Variants in NAV2 observed in about 807,000 individuals in gnomAD.
The protein encoded by NAV2 is neuron navigator 2, also known as helicase, APC down-regulated 1.
Under a neutral mutation model 223.2 loss-of-function variants are expected in NAV2, and 54 were observed. The ratio of observed to expected loss-of-function variants is 0.24; its 90% confidence interval spans 0.19 to 0.30. The LOEUF is 0.30. NAV2 is among the 10% of genes least tolerant of loss of function. The probability of loss-of-function intolerance (pLI) is 1.00; values close to 1 mark genes in which losing one functional copy is unlikely to be tolerated. For missense variants in NAV2, 2,806 were observed against 3,147.5 expected (o/e 0.89, Z 2.60); for synonymous variants, 1,279 against 1,239.3 (o/e 1.03, Z -0.67).
chr11:19,469,435 G>C (rs554696953), intron 1 of NAV2, among the ~76,000 whole-genome samples: 45 of 152,296 alleles, frequency 3.0e-4, no homozygotes, highest in Non-Finnish European at 5.9e-4. Flanking sequence ...TGCACAACTG[G>C]GTGGGAAAAT....
intron 1 of NAV2, among the ~76,000 whole-genome samples, chr11:19,751,393 A>T (rs1387535553): frequency 6.6e-6 from 1 of 152,150 alleles, no homozygotes; most frequent in Non-Finnish European, 1.5e-5. Flanking sequence ...GGTACATAGG[A>T]TGGTAGCAAG....
chr11:19,486,557 C>T (rs186292221), intron 1 of NAV2, among the ~76,000 whole-genome samples: 13 of 152,248 alleles, frequency 8.5e-5, no homozygotes, highest in African/African-American at 3.1e-4. Flanking sequence ...GGGCTTTTAT[C>T]CCTTTTGCTC....
At chr11:19,588,328 C>G (rs1362743715) in intron 1 of NAV2, among the ~76,000 whole-genome samples, 1 of 152,162 alleles carries the variant, frequency 6.6e-6, no homozygotes, top group Non-Finnish European at 1.5e-5. Flanking sequence ...CCAAAACAAT[C>G]TGGTGTATGG....
chr11:19,791,883 AT>A (rs2057546477), intron 1 of NAV2, among the ~76,000 whole-genome samples: 1 of 152,056 alleles, frequency 6.6e-6, no homozygotes, highest in Non-Finnish European at 1.5e-5. Context: ...ACCTAAGATG[AT>A]TTTTAGAGGG....
Position 19,835,573 on chromosome 11 carries a change from T to C in NAV2, c.385+2972T>C, listed in dbSNP as rs1000263439. On this transcript the variant is annotated intron_variant, in intron 2 of 37. Transcript: ENST00000349880. ...ATCTTCTGACTAGGATGCTGAACTA[T>C]TGGCCATTTGAACACTTTGCTTTTC... Among the ~76,000 whole-genome samples, 3 of 152,182 alleles carry C rather than the reference T, an allele frequency of 2.0e-5. No individual in the cohort carries two copies. The East Asian group carries it at 5.8e-4, about 29-fold the overall frequency.
At chr11:19,968,844 T>C (rs1457264187) in intron 10 of NAV2, among the ~76,000 whole-genome samples, 1 of 152,168 alleles carries the variant, frequency 6.6e-6, no homozygotes, top group Non-Finnish European at 1.5e-5. Context: ...TTTCGGCGAC[T>C]TCTCAGCCTG....
At chr11:19,973,194 CT>C (rs2049399563) in intron 10 of NAV2, among the ~76,000 whole-genome samples, 1 of 152,268 alleles carries the variant, frequency 6.6e-6, no homozygotes, top group East Asian at 1.9e-4. Context: ...TTGGTAAAGA[CT>C]TTTGTTGTTA....
At chr11:19,533,996 G>A (rs1160910560) in intron 1 of NAV2, among the ~76,000 whole-genome samples, 2 of 132,204 alleles carry the variant, frequency 1.5e-5, no homozygotes, top group African/African-American at 4.4e-5. Flanking sequence ...GTGAGCCACC[G>A]CGCCCGGCCT....
At chr11:19,940,505 G>C (rs1018171083) in intron 8 of NAV2, among the ~76,000 whole-genome samples, 2 of 152,178 alleles carry the variant, frequency 1.3e-5, no homozygotes, top group African/African-American at 4.8e-5. Context: ...TGTGTCCCAA[G>C]CTCCAGCAGC....
intron 1 of NAV2, chr11:19,502,866 G>C (rs187616389): frequency 6.6e-6 from 1 of 152,144 alleles, no homozygotes; most frequent in South Asian, 2.1e-4. Flanking sequence ...TTCAAATAGC[G>C]GAGAATACAA....
At chr11:20,108,268 A>C (rs1474844189) in intron 36 of NAV2, among the ~76,000 whole-genome samples, 1 of 152,168 alleles carries the variant, frequency 6.6e-6, no homozygotes, top group Non-Finnish European at 1.5e-5. Flanking sequence ...AGGTTATAAA[A>C]GGGAAGCTTG....
At chr11:19,866,981 GATTT>G (rs1658098252) in intron 3 of NAV2, among the ~76,000 whole-genome samples, 1 of 152,090 alleles carries the variant, frequency 6.6e-6, no homozygotes. Context: ...GTAGAAGAGA[GATTT>G]TATAATTTTA....
chr11:19,867,554 G>A (rs897696161), intron 3 of NAV2, among the ~76,000 whole-genome samples: 3 of 152,332 alleles, frequency 2.0e-5, no homozygotes, highest in Admixed American at 6.5e-5. Context: ...AAGGCATAAC[G>A]CATAGCATCA....
intron 1 of NAV2, among the ~76,000 whole-genome samples, chr11:19,793,206 C>CAAAAA (rs557365857): frequency 3.8e-4 from 22 of 58,128 alleles, no homozygotes; most frequent in South Asian, 6.3e-4. Context: ...CACTCTGTCT[C>CAAAAA]AAAAAAAAAA....
rs1020284856 is a variant in NAV2, at chr11:20,121,548, G to A, written c.*3290G>A. The stretch of plus-strand genomic sequence containing the variant: ...GTCATAGAGAATAAAGCTGATGATT[G>A]TACCAGTCTTAAATTATTCATGATT... On this transcript the variant is annotated 3_prime_UTR_variant, in exon 38 of 38. Transcript: ENST00000349880. 1 of 152,494 alleles carries A rather than the reference G, an allele frequency of 6.6e-6. No homozygotes were observed. The highest frequency in any genetic ancestry group is 1.5e-5 in the Non-Finnish European group (1 of 68,020). 9.4% of individuals were successfully genotyped at this position (152,494 alleles called of 1,614,324 possible). A position where few individuals can be genotyped will look rare whatever the true frequency, so the allele number is the denominator to read the frequency against.
At chr11:20,096,914 G>A (rs891051221) in intron 30 of NAV2, among the ~76,000 whole-genome samples, 18 of 152,202 alleles carry the variant, frequency 1.2e-4, no homozygotes, top group Admixed American at 1.3e-4. Context: ...AGTTTGGGCT[G>A]AAAAGAGACA....
chr11:20,022,839 CTT>C (rs1565787235), intron 11 of NAV2: 3 of 1,269,680 alleles, frequency 2.4e-6, no homozygotes, highest in Non-Finnish European at 3.0e-6. Flanking sequence ...TTTGCTGAAA[CTT>C]TTCACAGCTG....
intron 11 of NAV2, among the ~76,000 whole-genome samples, chr11:19,994,331 A>G (rs191686981): frequency 6.6e-6 from 1 of 151,914 alleles, no homozygotes; most frequent in Non-Finnish European, 1.5e-5. Flanking sequence ...CGGATCACCT[A>G]AGGTCAGGAG....
At chr11:19,876,802 C>T (rs1458455678) in intron 4 of NAV2, among the ~76,000 whole-genome samples, 1 of 149,958 alleles carries the variant, frequency 6.7e-6, no homozygotes, top group Non-Finnish European at 1.5e-5. Flanking sequence ...TTTTTTCTTG[C>T]ATGGTTAAAA....
Sources: gnomAD v4.1 joint callset for allele counts (sites outside exome capture counted in the v4.1 genomes callset) on GRCh38, gnomAD v4.1.1 for gene constraint, MANE v1.5 for transcripts, NCBI Gene and HGNC (gene_info 2026-07-23, HGNC 2026-07-21) for gene names.